The following WDFY4 variants were observed in gnomAD, a reference collection of about 807,000 sequenced individuals.
WDFY4 encodes WDFY family member 4.
Under a neutral mutation model 351.9 loss-of-function variants are expected in WDFY4, and 169 were observed. The observed-to-expected ratio is 0.48, with a 90% confidence interval of 0.42 to 0.55. WDFY4 has a LOEUF of 0.55. WDFY4 is among the 20% of genes least tolerant of loss of function. The pLI is 0.00. For synonymous variants in WDFY4, 1,622 were observed against 1,574.6 expected (o/e 1.03, Z -0.71); for missense variants, 3,803 against 3,935.6 (o/e 0.97, Z 0.90).
intron 1 of WDFY4, among the ~76,000 whole-genome samples, chr10:48,703,081 T>A (rs2063524960): frequency 6.6e-6 from 1 of 152,246 alleles, no homozygotes; most frequent in Non-Finnish European, 1.5e-5. Context: ...GGTTTTAGAT[T>A]GTAAGGTCTC....
intron 24 of WDFY4, among the ~76,000 whole-genome samples, chr10:48,797,422 G>A (rs962866696): frequency 6.6e-6 from 1 of 152,196 alleles, no homozygotes; most frequent in African/African-American, 2.4e-5. Context: ...AGAGAAAAAT[G>A]TGAGGGGGAA....
At chr10:48,974,783 C>G in intron 57 of WDFY4, 79 bp from the exon 58 acceptor site, 1 of 1,400,316 alleles carries the variant, frequency 7.1e-7, no homozygotes. Flanking sequence ...CAGCACCCAG[C>G]TTTATAGGGA....
At chr10:48,904,759 C>T (rs1049241582) in intron 47 of WDFY4, among the ~76,000 whole-genome samples, 2 of 152,234 alleles carry the variant, frequency 1.3e-5, no homozygotes, top group African/African-American at 4.8e-5. Context: ...ACATGCCCAT[C>T]CCAGAACCAA....
intron 4 of WDFY4, among the ~76,000 whole-genome samples, chr10:48,722,697 TGCACACACACACACGTGCGTGCGCAC>T (rs1411771970): frequency 1.3e-5 from 2 of 152,196 alleles, no homozygotes; most frequent in Non-Finnish European, 2.9e-5. Flanking sequence ...ACATGCATCA[TGCACACACACACACGTGCGTGCGCAC>T]ACACGCACAC....
chr10:48,981,277 C>T (rs1204552113), intron 60 of WDFY4, 90 bp from the exon 61 acceptor site: 30 of 1,003,074 alleles, frequency 3.0e-5, no homozygotes, highest in Admixed American at 1.7e-4. Context: ...TAAATATGTG[C>T]GTATGTGTTT....
intron 13 of WDFY4, among the ~76,000 whole-genome samples, chr10:48,771,416 G>A (rs1306917472): frequency 1.3e-5 from 2 of 152,204 alleles, no homozygotes; most frequent in Non-Finnish European, 2.9e-5. Context: ...TCTGGGCTTA[G>A]CTTCCCCATC....
chr10:48,800,686 CTT>C (rs2067041774), intron 24 of WDFY4, among the ~76,000 whole-genome samples: 1 of 130,102 alleles, frequency 7.7e-6, no homozygotes, highest in South Asian at 2.6e-4. Flanking sequence ...TTCTTTCTTT[CTT>C]TCTTTCTTTC....
At chr10:48,767,261 G>C (rs1354582788) in intron 13 of WDFY4, among the ~76,000 whole-genome samples, 1 of 152,198 alleles carries the variant, frequency 6.6e-6, no homozygotes, top group Non-Finnish European at 1.5e-5. Context: ...AAGTAGAAGA[G>C]AGCATAGTTG....
intron 39 of WDFY4, among the ~76,000 whole-genome samples, chr10:48,861,399 T>C (rs1053568140): frequency 2.6e-5 from 4 of 152,208 alleles, no homozygotes; most frequent in African/African-American, 9.6e-5. Flanking sequence ...ACAAATTCTC[T>C]TAATTTTACT....
chr10:48,782,443 C>G (rs2620886), intron 19 of WDFY4, among the ~76,000 whole-genome samples: 146,703 of 152,290 alleles, frequency 0.96, 70,913 homozygotes, highest in East Asian at 1. Context: ...TGACTGGCTG[C>G]TAGTGTGGTT....
chr10:48,936,644 C>T (rs1020196461), intron 47 of WDFY4, among the ~76,000 whole-genome samples: 4 of 151,662 alleles, frequency 2.6e-5, no homozygotes, highest in Non-Finnish European at 4.4e-5. Flanking sequence ...GAGACCATCC[C>T]GGCTAACACA....
rs1334723887 is a variant in WDFY4, at chr10:48,854,911, T to C, written c.6664-12354T>C. On this transcript the variant is annotated intron_variant, in intron 39 of 61. Coordinates refer to ENST00000325239, the MANE Select transcript of WDFY4 (RefSeq NM_001394531.1). ...GCTGCATATCTCCAAAGTACCATAA[T>C]AGAAAAAAGTCTGGGCTTTTGCCTT... 3.3e-5 allele frequency among the ~76,000 whole-genome samples: 5 copies of C among 152,324 alleles called. No individual in the cohort carries two copies. In the East Asian group the frequency reaches 9.6e-4, roughly 29 times the overall value.
intron 39 of WDFY4, among the ~76,000 whole-genome samples, chr10:48,866,110 C>T: frequency 6.6e-6 from 1 of 151,724 alleles, no homozygotes; most frequent in East Asian, 1.9e-4. Flanking sequence ...TTTATTTTCC[C>T]CTTCCTTCTA....
At position 48,923,496 on chromosome 10, in the gene WDFY4, G is replaced by GTATATATATATATATATA. The variant is rs374289050; in HGVS notation, c.7587-18293_7587-18292insATATATATATATATATAT. Among the ~76,000 whole-genome samples, 118 of 63,062 alleles carry GTATATATATATATATATA rather than the reference G, an allele frequency of 1.9e-3. 8 individuals carry two copies. The highest frequency in any genetic ancestry group is 0.018 in the East Asian group (4 of 218). 41.4% of individuals were successfully genotyped at this position (63,062 alleles called of 152,430 possible). On this transcript the variant is annotated intron_variant, in intron 47 of 61. Transcript: ENST00000325239. Reference sequence around the variant, plus strand: ...TCAGGTAAACAACAAATAGTTTTTAGTATATATATATATATATGTCCCAAA... The same window carrying GTATATATATATATATATA: ...TCAGGTAAACAACAAATAGTTTTTAGTATATATATATATATATATATATATATATATATATGTCCCAAA...
intron 43 of WDFY4, among the ~76,000 whole-genome samples, chr10:48,887,059 G>A (rs2070485546): frequency 6.6e-6 from 1 of 152,240 alleles, no homozygotes; most frequent in African/African-American, 2.4e-5. Flanking sequence ...CAGAATCAAT[G>A]TTTAAGCTAT....
At position 48,778,622 on chromosome 10, in the gene WDFY4, C is replaced by A. The variant is rs1474383257; in HGVS notation, c.3187C>A (p.Pro1063Thr). The part of the protein sequence containing the change: ...SGGIGTGATR[P>T]FPPPGGLTFS... Reference sequence around the variant, plus strand: ...GTGTTCCCACCCAGGTGCCACCAGACCGTTCCCTCCTCCTGGAGGTCTGAC... The same window carrying A: ...GTGTTCCCACCCAGGTGCCACCAGAACGTTCCCTCCTCCTGGAGGTCTGAC... Residue 1063 changes from proline to threonine, a missense_variant, in exon 18 of 62, where the codon CCG (proline) becomes ACG (threonine). Pro to Thr is a conservative substitution (Grantham distance 38, BLOSUM62 -1). Coordinates refer to ENST00000325239, the MANE Select transcript of WDFY4 (RefSeq NM_001394531.1). 3.9e-6 allele frequency: 6 copies of A among 1,550,968 alleles called. 1 individual carries two copies. The South Asian group carries it at 5.9e-5, about 15-fold the overall frequency.
At chr10:48,783,969 A>G (rs538070483) in intron 19 of WDFY4, among the ~76,000 whole-genome samples, 5 of 152,370 alleles carry the variant, frequency 3.3e-5, no homozygotes, top group African/African-American at 1.2e-4. Flanking sequence ...GGCACACAGC[A>G]ATATATGGAA....
chr10:48,692,266 T>A (rs565862678), intron 1 of WDFY4, among the ~76,000 whole-genome samples: 1 of 152,348 alleles, frequency 6.6e-6, no homozygotes, highest in East Asian at 1.9e-4. Context: ...TTGTATTTCC[T>A]TTTAGCCTCA....
intron 51 of WDFY4, among the ~76,000 whole-genome samples, chr10:48,952,408 T>G (rs1841371308): frequency 1.3e-5 from 2 of 152,188 alleles, no homozygotes; most frequent in Non-Finnish European, 2.9e-5. Context: ...AAGTGTGACT[T>G]GAGGAGAATC....
Sources: gnomAD v4.1 joint callset for allele counts (sites outside exome capture counted in the v4.1 genomes callset) on GRCh38, gnomAD v4.1.1 for gene constraint, MANE v1.5 for transcripts, NCBI Gene and HGNC (gene_info 2026-07-23, HGNC 2026-07-21) for gene names.